The following B3GALT1 variants were observed in gnomAD, a reference collection of about 807,000 sequenced individuals.
B3GALT1 encodes beta-1,3-galactosyltransferase 1, also known as UDP-Gal:betaGlcNAc beta 1,3-galactosyltransferase, polypeptide 1.
Under a neutral mutation model 23.2 loss-of-function variants are expected in B3GALT1, and 10 were observed. The observed-to-expected ratio is 0.43, with a 90% CI of 0.27 to 0.73. The LOEUF is 0.73. Ranked by LOEUF, B3GALT1 falls within the 30% of genes least tolerant of loss-of-function variation. The pLI is 0.21. For synonymous variants in B3GALT1, 156 were observed against 141.5 expected, an observed-to-expected ratio of 1.10 and a Z score of -0.73; for missense variants, 299 against 405.4, an observed-to-expected ratio of 0.74 and a Z score of 2.25.
intron 1 of B3GALT1, among the ~76,000 whole-genome samples, chr2:167,471,057 A>G (rs1184872180): frequency 2.0e-5 from 3 of 152,146 alleles, no homozygotes; most frequent in Non-Finnish European, 4.4e-5. Context: ...CAGCTCCTTC[A>G]TCCTGTCTGA....
Position 167,741,183 on chromosome 2 carries a change from T to A in B3GALT1, c.-351-77489T>A, listed in dbSNP as rs538709038. Among the ~76,000 whole-genome samples the A allele has an allele frequency of 3.0e-4, 46 of 152,072 alleles. 1 individual carries two copies. The highest frequency in any genetic ancestry group is 1.1e-3 in the African/African-American group (45 of 41,502). On this transcript the variant is annotated intron_variant, in intron 3 of 4. Transcript: ENST00000392690. The stretch of plus-strand genomic sequence containing the variant: ...CCAGATGACACCCCAGAATGTAGGA[T>A]GGTGAGGCAAAAAAAAGTGGGCATT...
At chr2:167,777,233 T>A (rs1182816786) in intron 3 of B3GALT1, among the ~76,000 whole-genome samples, 1 of 152,174 alleles carries the variant, frequency 6.6e-6, no homozygotes, top group East Asian at 1.9e-4. Context: ...AACCATATAT[T>A]TAATATGAAA....
intron 3 of B3GALT1, among the ~76,000 whole-genome samples, chr2:167,666,791 T>G (rs1265956715): frequency 1.3e-5 from 2 of 152,196 alleles, no homozygotes; most frequent in African/African-American, 4.8e-5. Flanking sequence ...TTTTTTGCTT[T>G]CCATTTGCTT....
intron 1 of B3GALT1, among the ~76,000 whole-genome samples, chr2:167,375,247 T>C (rs144195149): frequency 4.6e-5 from 7 of 152,298 alleles, no homozygotes; most frequent in African/African-American, 1.2e-4. Context: ...TGTCGACTTA[T>C]AGTATAGTTT....
intron 1 of B3GALT1, among the ~76,000 whole-genome samples, chr2:167,391,746 T>G (rs1698017171): frequency 6.6e-6 from 1 of 152,228 alleles, no homozygotes; most frequent in African/African-American, 2.4e-5. Flanking sequence ...GTCCCAGTTT[T>G]GGTGTTTATT....
At chr2:167,646,262 G>A (rs1408609852) in intron 2 of B3GALT1, among the ~76,000 whole-genome samples, 4 of 152,292 alleles carry the variant, frequency 2.6e-5, no homozygotes, top group East Asian at 3.9e-4. Flanking sequence ...AGCAGGTTGG[G>A]TAAAGGAAGA....
intron 4 of B3GALT1, among the ~76,000 whole-genome samples, chr2:167,836,206 A>G (rs578118311): frequency 3.3e-5 from 5 of 152,374 alleles, no homozygotes; most frequent in African/African-American, 9.6e-5. Flanking sequence ...TTGAGAGAAG[A>G]AGGCTTCAGA....
chr2:167,544,548 C>T (rs909419755), intron 2 of B3GALT1, among the ~76,000 whole-genome samples: 1 of 152,136 alleles, frequency 6.6e-6, no homozygotes, highest in African/African-American at 2.4e-5. Context: ...CCACCCACCT[C>T]GGCCTCCCAA....
At chr2:167,631,569 A>C (rs1354774616) in intron 2 of B3GALT1, 1 of 151,742 alleles carries the variant, frequency 6.6e-6, no homozygotes, top group African/African-American at 2.4e-5. Flanking sequence ...TTTTTTACTA[A>C]TCTGGGTTCT....
chr2:167,448,010 T>C (rs1699027791), intron 1 of B3GALT1, among the ~76,000 whole-genome samples: 1 of 152,226 alleles, frequency 6.6e-6, no homozygotes, highest in South Asian at 2.1e-4. Context: ...ACAATTTCTT[T>C]ATCCACTTTT....
At chr2:167,585,084 C>A (rs765648784) in intron 2 of B3GALT1, among the ~76,000 whole-genome samples, 4 of 152,056 alleles carry the variant, frequency 2.6e-5, no homozygotes, top group Non-Finnish European at 5.9e-5. Context: ...TACCCAGGGG[C>A]CTCCAGCCAC....
At position 167,483,092 on chromosome 2, in the gene B3GALT1, G is replaced by A. The variant is rs558238099; in HGVS notation, c.-510-7085G>A. On this transcript the variant is annotated intron_variant, in intron 1 of 4. Transcript: ENST00000392690. ...GCAGATCACCTGAGGATGGGAGTTC[G>A]AGACCAGCCTGACCAACATGGAGAA... Among the ~76,000 whole-genome samples, 10 of 152,026 alleles carry A rather than the reference G, an allele frequency of 6.6e-5. No homozygotes were observed. The South Asian group carries it at 2.1e-3, about 32-fold the overall frequency.
At chr2:167,837,282 C>A (rs1256781393) in intron 4 of B3GALT1, among the ~76,000 whole-genome samples, 1 of 152,046 alleles carries the variant, frequency 6.6e-6, no homozygotes, top group Non-Finnish European at 1.5e-5. Flanking sequence ...TCAGGAAACC[C>A]ATCTCACGTG....
intron 4 of B3GALT1, among the ~76,000 whole-genome samples, chr2:167,841,214 C>T (rs375625971): frequency 8.0e-5 from 12 of 150,130 alleles, no homozygotes; most frequent in African/African-American, 2.2e-4. Flanking sequence ...AATATGCCTT[C>T]ACCACAAAGA....
intron 2 of B3GALT1, among the ~76,000 whole-genome samples, chr2:167,593,375 A>T (rs1321772871): frequency 1.3e-5 from 2 of 152,214 alleles, no homozygotes; most frequent in Non-Finnish European, 2.9e-5. Flanking sequence ...ACTATTATAT[A>T]TTAAATGCAT....
intron 2 of B3GALT1, among the ~76,000 whole-genome samples, chr2:167,588,532 C>G (rs1192747891): frequency 6.6e-6 from 1 of 152,094 alleles, no homozygotes. Flanking sequence ...GTTTTCCACA[C>G]TCATACGAAC....
At chr2:167,590,379 A>G (rs942778103) in intron 2 of B3GALT1, among the ~76,000 whole-genome samples, 4 of 150,264 alleles carry the variant, frequency 2.7e-5, no homozygotes, top group African/African-American at 9.8e-5. Context: ...AAGACATAAC[A>G]TTTAGTGGAT....
intron 1 of B3GALT1, among the ~76,000 whole-genome samples, chr2:167,475,653 A>G (rs1389429237): frequency 6.6e-6 from 1 of 152,136 alleles, no homozygotes; most frequent in East Asian, 1.9e-4. Flanking sequence ...GGAAGACATG[A>G]CCAGAAATGT....
intron 3 of B3GALT1, among the ~76,000 whole-genome samples, chr2:167,726,913 T>C (rs1247613969): frequency 6.6e-6 from 1 of 152,230 alleles, no homozygotes; most frequent in Admixed American, 6.5e-5. Context: ...CATTTTTATG[T>C]CACATGCTCA....
Sources: allele counts gnomAD v4.1 joint callset (sites outside exome capture counted in the v4.1 genomes callset), GRCh38; gene constraint gnomAD v4.1.1; transcripts MANE v1.5; gene names NCBI Gene and HGNC (gene_info 2026-07-23, HGNC 2026-07-21).